Variants in ANPEP observed in about 807,000 individuals in gnomAD.
ANPEP encodes the protein alanyl aminopeptidase, membrane.
In ANPEP, 70 loss-of-function variants were observed where a neutral mutation model predicts 114.6. The observed-to-expected ratio is 0.61, with a 90% CI of 0.50 to 0.75. The LOEUF (loss-of-function observed/expected upper bound fraction) is 0.75, where lower values mean the gene tolerates loss of function less well. ANPEP is among the 30% of genes least tolerant of loss of function. ANPEP has a pLI of 0.00. For synonymous variants in ANPEP, 548 were observed against 522.3 expected, an observed-to-expected ratio of 1.05 and a Z score of -0.67; for missense variants, 1,184 against 1,259.5, an observed-to-expected ratio of 0.94 and a Z score of 0.91.
At position 89,806,424 on chromosome 15, in the gene ANPEP, A is replaced by C. The variant is rs748132362; in HGVS notation, c.160T>G (p.Ser54Ala). ...SPVASTTPSA[S>A]ATTNPASATT... ...GCCGAGGCGGGGTTGGTGGTGGCTG[A>C]GGCGGACGGGGTGGTGGAGGCCACG... The change falls in exon 2 of 21, where the codon TCA becomes GCA. Residue 54 changes from serine (S) to alanine (A), a missense_variant. Transcript: ENST00000300060. This position sits in a 1 kb window ranked among gnomAD's most constrained non-coding sequence, Gnocchi z 5.7. 1.2e-6 allele frequency: 2 copies of C among 1,613,920 alleles called. No individual in the cohort carries two copies. The highest frequency in any genetic ancestry group is 1.7e-6 in the Non-Finnish European group (2 of 1,179,970).
chr15:89,803,494 A>C lies in ANPEP; in HGVS notation c.1451T>G (p.Leu484Arg). The C allele has an allele frequency of 6.2e-7, 1 of 1,607,672 alleles. No homozygotes were observed. The highest frequency in any genetic ancestry group is 2.2e-5 in the East Asian group (1 of 44,728). The change falls in exon 9 of 21, where the codon CTC (leucine) becomes CGC (arginine). Residue 484 changes from leucine (L) to arginine (R), a missense_variant. Coordinates refer to ENST00000300060, the MANE Select transcript of ANPEP (RefSeq NM_001150.3). This position sits in a 1 kb window ranked among gnomAD's most constrained non-coding sequence, Gnocchi z 4.2. ...GGACAGGAAGCTGGAGAGCATCCTG[A>C]GGACTGAGGCGCCCTGGGGTGGGGG... ...AISYSKGASV[L>R]RMLSSFLSED...
intron 1 of ANPEP, among the ~76,000 whole-genome samples, chr15:89,810,604 A>G: frequency 6.6e-6 from 1 of 152,008 alleles, no homozygotes; most frequent in East Asian, 1.9e-4. Flanking sequence ...AAAAAGAAAA[A>G]TGCTACCAGT....
At chr15:89,797,126 G>A (rs1023621729) in intron 15 of ANPEP, among the ~76,000 whole-genome samples, 1 of 152,170 alleles carries the variant, frequency 6.6e-6, no homozygotes, top group Non-Finnish European at 1.5e-5. Context: ...GGCTGGCCGG[G>A]CAGGTAGAGG....
chr15:89,800,313 A>G (rs1020411457), intron 12 of ANPEP, among the ~76,000 whole-genome samples: 1 of 152,042 alleles, frequency 6.6e-6, no homozygotes, highest in Non-Finnish European at 1.5e-5. Flanking sequence ...TGACCTCTCC[A>G]TGAACTTGAA....
chr15:89,802,848 G>C (rs1264356649), intron 10 of ANPEP: 3 of 266,606 alleles, frequency 1.1e-5, no homozygotes, highest in Non-Finnish European at 7.5e-6. Context: ...GCTGTGTGCA[G>C]AGACATGCCC....
intron 1 of ANPEP, among the ~76,000 whole-genome samples, chr15:89,810,041 C>T (rs944813369): frequency 3.9e-5 from 6 of 152,154 alleles, no homozygotes; most frequent in South Asian, 2.1e-4. Flanking sequence ...CTCCCCTCTG[C>T]GCTTCCCCAG....
rs8192301 is a variant in ANPEP at position 89,790,396 on chromosome 15, T to C, written c.2751+64A>G. On this transcript the variant is annotated intron_variant, in intron 20 of 20. Transcript: ENST00000300060. ...CCCTCAGGGCCACGTGGGAGAAGAATGGAGTGCCCCTTTGGCCTGGGAAGG... is the reference window on the plus strand; with the variant it reads ...CCCTCAGGGCCACGTGGGAGAAGAACGGAGTGCCCCTTTGGCCTGGGAAGG... The C allele has an allele frequency of 5.7e-4, 844 of 1,487,208 alleles. 11 individuals carry two copies. In the East Asian group the frequency reaches 0.013, roughly 22 times the overall value. The allele number at this position is 1,487,208 out of a possible 1,614,324, so 92.1% of individuals were successfully genotyped here.
intron 1 of ANPEP, among the ~76,000 whole-genome samples, chr15:89,809,365 T>C (rs1171666958): frequency 6.6e-6 from 1 of 152,218 alleles, no homozygotes; most frequent in African/African-American, 2.4e-5. Context: ...AAAGAGGCCC[T>C]GCCTGGCCCA....
intron 1 of ANPEP, among the ~76,000 whole-genome samples, chr15:89,810,971 G>C (rs1894805769): frequency 6.6e-6 from 1 of 152,242 alleles, no homozygotes; most frequent in Admixed American, 6.5e-5. Context: ...TTGCCCTGGA[G>C]ACACAAGTCA....
At chr15:89,794,841 T>TGC (rs1968698945) in intron 15 of ANPEP, among the ~76,000 whole-genome samples, 5 of 151,748 alleles carry the variant, frequency 3.3e-5, no homozygotes, top group African/African-American at 9.7e-5. Context: ...TACAGAGGCT[T>TGC]ACTCTCTGGA....
chr15:89,791,133 G>A (rs1968615726), intron 18 of ANPEP, 40 bp from the exon 19 acceptor site: 2 of 1,608,176 alleles, frequency 1.2e-6, no homozygotes, highest in Non-Finnish European at 1.7e-6. Context: ...TGCTAATTCA[G>A]GTGACTCAGG....
At chr15:89,791,336 C>A (rs1334829509) in intron 18 of ANPEP, among the ~76,000 whole-genome samples, 1 of 152,184 alleles carries the variant, frequency 6.6e-6, no homozygotes, top group African/African-American at 2.4e-5. Context: ...GACAATGAAT[C>A]AATGAAGGAA....
At chr15:89,790,393 G>A in intron 20 of ANPEP, 67 bp downstream of exon 20, 3 of 1,474,446 alleles carry the variant, frequency 2.0e-6, no homozygotes, top group South Asian at 1.1e-5. Flanking sequence ...CGTGGGAGAA[G>A]AATGGAGTGC....
At chr15:89,813,996 G>T (rs564738766) in intron 1 of ANPEP, among the ~76,000 whole-genome samples, 5,392 of 145,160 alleles carry the variant, frequency 0.037, 307 homozygotes, top group Non-Finnish European at 0.057. Context: ...ACTGCTGGGG[G>T]GGGGGGGTGC....
chr15:89,814,340 C>G (rs866690625), intron 1 of ANPEP, among the ~76,000 whole-genome samples: 2 of 152,218 alleles, frequency 1.3e-5, no homozygotes, highest in Admixed American at 6.5e-5. Flanking sequence ...GGCCAGAGAC[C>G]CCACAGGCGG....
At position 89,804,603 on chromosome 15, in the gene ANPEP, G is replaced by A. The variant is rs769942509; in HGVS notation, c.912C>T (p.Ala304=). 3.2e-5 allele frequency: 51 copies of A among 1,613,792 alleles called. No homozygotes were observed. The South Asian group carries it at 3.8e-4, about 12-fold the overall frequency. The part of the protein sequence containing the change: ...ASNGVLIRIW[A]RPSAIAAGHG... ...GGCCCGCCGCAATGGCACTGGGCCG[G>A]GCCCAGATCCGGATCTGCAAGGTGT... is the stretch of plus-strand genomic sequence containing the variant. Residue 304 remains alanine, a synonymous_variant, in exon 5 of 21, where the codon GCC becomes GCT. Coordinates refer to ENST00000300060, the MANE Select transcript of ANPEP (RefSeq NM_001150.3).
In ANPEP at chr15:89,806,820, A is replaced by C; in HGVS notation, c.-223-14T>G. ...CTCGGGGGGTGCCTGCTGGAAGCAA[A>C]CAGTGTCTGGTTACAGGCTGCAGGC... On this transcript the variant is annotated splice_polypyrimidine_tract_variant and intron_variant, in intron 1 of 20. Coordinates refer to ENST00000300060, the MANE Select transcript of ANPEP (RefSeq NM_001150.3). The surrounding 1 kb of genome is among the most constrained non-coding windows in gnomAD (Gnocchi z 5.7). The C allele has an allele frequency of 1.7e-6, 1 of 577,270 alleles. No individual in the cohort carries two copies. Among genetic ancestry groups the C allele is most frequent in the Non-Finnish European group, 2.9e-6 (1 of 344,442 alleles). 35.8% of individuals were successfully genotyped at this position (577,270 alleles called of 1,614,324 possible). A position where few individuals can be genotyped will look rare whatever the true frequency, so the allele number is the denominator to read the frequency against.
At position 89,803,408 on chromosome 15, in the gene ANPEP, C is replaced by A. The variant is rs781585376; in HGVS notation, c.1503+34G>T. 5 of 1,611,558 alleles carry A rather than the reference C, an allele frequency of 3.1e-6. No homozygotes were observed. In the Admixed American group the frequency reaches 8.4e-5, roughly 27 times the overall value. On this transcript the variant is annotated intron_variant, in intron 9 of 20. Transcript: ENST00000300060. This position sits in a 1 kb window ranked among gnomAD's most constrained non-coding sequence, Gnocchi z 4.2. Reference sequence around the variant, plus strand: ...CAAGGGCGAGGGGCAGAAGGAGACCCACCCTCATGGCTGGCCCAGGGTGCA... The same window carrying A: ...CAAGGGCGAGGGGCAGAAGGAGACCAACCCTCATGGCTGGCCCAGGGTGCA...
chr15:89,803,691 G>T lies in ANPEP; in HGVS notation c.1393C>A (p.Pro465Thr), dbSNP rs761155590. ...LSTPASEINT[P>T]AQISELFDAI... ...TCAAACAGCTCACTGATCTGGGCCG[G>T]CGTGTTGATCTCCGAGGCGGGTGTG... The change falls in exon 8 of 21, where the codon CCG (proline) becomes ACG (threonine). Residue 465 changes from proline (P) to threonine (T), a missense_variant. Transcript: ENST00000300060. This position sits in a 1 kb window ranked among gnomAD's most constrained non-coding sequence, Gnocchi z 4.2. 1.7e-5 allele frequency: 28 copies of T among 1,613,242 alleles called. No homozygotes were observed. In the South Asian group the frequency reaches 2.9e-4, roughly 16 times the overall value.
Sources: allele counts gnomAD v4.1 joint callset (sites outside exome capture counted in the v4.1 genomes callset), GRCh38; gene constraint gnomAD v4.1.1; non-coding constraint Gnocchi (gnomAD v3.1); transcripts MANE v1.5; gene names NCBI Gene and HGNC (gene_info 2026-07-23, HGNC 2026-07-21).